MRTFB: variants seen among roughly 807,000 people sequenced by gnomAD.
The protein encoded by MRTFB is myocardin related transcription factor B, also known as myocardin-related transcription factor B.
In MRTFB, 29 loss-of-function variants were observed where a neutral mutation model predicts 104.2. That is an observed-to-expected ratio of 0.28 (90% CI 0.21 to 0.38). The LOEUF (loss-of-function observed/expected upper bound fraction) is 0.38, where lower values mean the gene tolerates loss of function less well. MRTFB is among the 10% of genes least tolerant of loss of function. MRTFB has a pLI of 1.00. For synonymous variants in MRTFB, 535 were observed against 519.5 expected, an observed-to-expected ratio of 1.03 and a Z score of -0.41; for missense variants, 1,270 against 1,341.6, an observed-to-expected ratio of 0.95 and a Z score of 0.83.
Position 14,164,044 on chromosome 16 carries a change from A to G in MRTFB, c.154+23284A>G, listed in dbSNP as rs138638192. Among the ~76,000 whole-genome samples, 79 of 152,234 alleles carry G rather than the reference A, an allele frequency of 5.2e-4. 1 individual carries two copies. Among genetic ancestry groups the G allele is most frequent in the African/African-American group, 1.8e-3 (73 of 41,552 alleles). ...ATCACCTTGAGCATTTATCATTTCT[A>G]TGTGTTGGGAACATTTCACATCCTC... is the stretch of plus-strand genomic sequence containing the variant. On this transcript the variant is annotated intron_variant, in intron 3 of 16. Transcript: ENST00000571589.
chr16:14,125,269 C>T (rs1383935041), intron 2 of MRTFB, among the ~76,000 whole-genome samples: 2 of 152,222 alleles, frequency 1.3e-5, no homozygotes, highest in African/African-American at 4.8e-5. Flanking sequence ...GAGGCCACCT[C>T]GGCAAGGGTG....
Position 14,071,326 on chromosome 16 carries a change from C to CGCGGCGGCGGCGGGAGCG in MRTFB, c.-154_-137dup, listed in dbSNP as rs1555477197. The CGCGGCGGCGGCGGGAGCG allele has an allele frequency of 2.6e-4, 44 of 166,596 alleles. No homozygotes were observed. The highest frequency in any genetic ancestry group is 1.4e-3 in the East Asian group (8 of 5,622). The allele number at this position is 166,596 out of a possible 1,614,324, so 10.3% of individuals were successfully genotyped here. On this transcript the variant is annotated 5_prime_UTR_variant, in exon 1 of 17. Transcript: ENST00000571589. ...AGGGGAGCGAAGTCTCGCGAGATCG[C>CGCGGCGGCGGCGGGAGCG]GCGGCGGCGGCGGGAGCGGCGGCGG...
intron 9 of MRTFB, among the ~76,000 whole-genome samples, chr16:14,239,295 T>C (rs2042660181): frequency 1.3e-5 from 2 of 152,246 alleles, no homozygotes. Context: ...ATTCTATGAA[T>C]GTTAGAATAG....
chr16:14,247,592 T>C, intron 12 of MRTFB, 85 bp downstream of exon 12: 1 of 1,249,362 alleles, frequency 8.0e-7, no homozygotes, highest in Non-Finnish European at 1.1e-6. Flanking sequence ...ACCTGAGCTC[T>C]TCCATAAATG....
chr16:14,013,881 C>G, the MRTFB span, among the ~76,000 whole-genome samples: 1 of 152,210 alleles, frequency 6.6e-6, no homozygotes, highest in African/African-American at 2.4e-5. Flanking sequence ...ACTGGAGGAC[C>G]AAATTACCTC....
intron 9 of MRTFB, among the ~76,000 whole-genome samples, chr16:14,236,443 AG>A (rs2042513778): frequency 6.6e-6 from 1 of 152,230 alleles, no homozygotes. Flanking sequence ...AGATAAAGCA[AG>A]GAACAAAAGA....
chr16:14,258,128 G>T lies in MRTFB; in HGVS notation c.2731G>T (p.Asp911Tyr). 1 of 1,613,984 alleles carries T rather than the reference G, an allele frequency of 6.2e-7. No homozygotes were observed. The highest frequency in any genetic ancestry group is 8.5e-7 in the Non-Finnish European group (1 of 1,179,920). ...EISNAHSQQM[D>Y]DLFDILIKSG... ...TTCCAACGCTCACAGTCAGCAGATG[G>T]ATGACCTCTTTGATATCCTCATTAA... The change falls in exon 16 of 17, where the codon GAT becomes TAT. Residue 911 changes from aspartate to tyrosine, a missense_variant. Asp to Tyr is a radical substitution (Grantham distance 160, BLOSUM62 -3). Transcript: ENST00000571589.
intron 1 of MRTFB, among the ~76,000 whole-genome samples, chr16:14,074,065 C>CTT (rs5815814): frequency 0.031 from 4,649 of 151,750 alleles, 229 homozygotes; most frequent in African/African-American, 0.097. Flanking sequence ...GTTTATTTGG[C>CTT]TTTTTTTTGT....
intron 11 of MRTFB, 45 bp from the exon 12 acceptor site, chr16:14,246,428 C>T (rs780173414): frequency 1.3e-6 from 2 of 1,585,996 alleles, no homozygotes; most frequent in Admixed American, 1.7e-5. Flanking sequence ...GTAGATTTGC[C>T]AGAAAGCTCT....
At chr16:14,028,196 A>AC in the MRTFB span, among the ~76,000 whole-genome samples, 68 of 143,054 alleles carry the variant, frequency 4.8e-4, no homozygotes, top group East Asian at 3.0e-3. Context: ...AAAAACAAAC[A>AC]AACACAACAC....
the MRTFB span, among the ~76,000 whole-genome samples, chr16:14,013,838 G>A: frequency 5.3e-5 from 8 of 152,118 alleles, no homozygotes; most frequent in Non-Finnish European, 1.2e-4. Context: ...AACCCTGAAC[G>A]TGACTTTTCT....
chr16:14,117,185 C>T (rs1451813210), intron 2 of MRTFB, among the ~76,000 whole-genome samples: 1 of 152,248 alleles, frequency 6.6e-6, no homozygotes, highest in East Asian at 1.9e-4. Flanking sequence ...CACAGAATCT[C>T]CTGATCTGCT....
In MRTFB at chr16:14,248,881, T is replaced by C; in HGVS notation, c.2248-45T>C. 5.0e-6 allele frequency: 8 copies of C among 1,599,940 alleles called. No individual in the cohort carries two copies. In the South Asian group the frequency reaches 9.1e-5, roughly 18 times the overall value. On this transcript the variant is annotated intron_variant, in intron 12 of 16. Transcript: ENST00000571589. ...ACACCTAAGTTCTGATTTCTAACTT[T>C]GATTCTGACAATTAAATTGATGTTT...
the MRTFB span, among the ~76,000 whole-genome samples, chr16:14,052,460 G>T: frequency 3.7e-4 from 57 of 152,068 alleles, no homozygotes; most frequent in African/African-American, 1.3e-3. Flanking sequence ...TATACAGGCC[G>T]GGCACAGTGG....
chr16:14,084,752 T>G (rs1364036723), intron 2 of MRTFB, among the ~76,000 whole-genome samples: 1 of 152,212 alleles, frequency 6.6e-6, no homozygotes, highest in Non-Finnish European at 1.5e-5. Flanking sequence ...ATTTTAACAG[T>G]TTCTGATATG....
chr16:14,094,219 A>G (rs2035240029), intron 2 of MRTFB, among the ~76,000 whole-genome samples: 1 of 151,842 alleles, frequency 6.6e-6, no homozygotes, highest in African/African-American at 2.4e-5. Flanking sequence ...CAGTATTTCC[A>G]CTCATTTAAT....
chr16:14,084,930 A>G lies in MRTFB; in HGVS notation c.-64+5576A>G, dbSNP rs189485581. 1.8e-4 allele frequency among the ~76,000 whole-genome samples: 27 copies of G among 152,326 alleles called. No homozygotes were observed. The East Asian group carries it at 4.2e-3, about 24-fold the overall frequency. Reference sequence around the variant, plus strand: ...TATCAGGAGCTATTTCAAACAAGAAAATCAGAGAGCCAGCGTAGGCAATAT... The same window carrying G: ...TATCAGGAGCTATTTCAAACAAGAAGATCAGAGAGCCAGCGTAGGCAATAT... On this transcript the variant is annotated intron_variant, in intron 2 of 16. Transcript: ENST00000571589.
intron 3 of MRTFB, among the ~76,000 whole-genome samples, chr16:14,174,311 C>G (rs942598442): frequency 6.6e-6 from 1 of 152,060 alleles, no homozygotes; most frequent in Non-Finnish European, 1.5e-5. Context: ...TGTTTTGTAA[C>G]AGTGGTTGCT....
the MRTFB span, among the ~76,000 whole-genome samples, chr16:14,047,673 T>A: frequency 6.6e-6 from 1 of 152,152 alleles, no homozygotes; most frequent in East Asian, 1.9e-4. Flanking sequence ...GGGAAACCCC[T>A]TATAAAACCA....
Sources: allele counts gnomAD v4.1 joint callset (sites outside exome capture counted in the v4.1 genomes callset), GRCh38; gene constraint gnomAD v4.1.1; transcripts MANE v1.5; gene names NCBI Gene and HGNC (gene_info 2026-07-23, HGNC 2026-07-21).